Variants in NPFFR2 observed in about 807,000 individuals in gnomAD.
NPFFR2 encodes neuropeptide FF receptor 2.
NPFFR2 carries 15 observed loss-of-function variants against 13.1 expected under a neutral mutation model. That is an observed-to-expected ratio of 1.15 (90% CI 0.77 to 1.76). NPFFR2 has a LOEUF of 1.76. Ranked by LOEUF, NPFFR2 falls within the 40% of genes most tolerant of loss-of-function variation. The pLI is 0.00. For missense variants in NPFFR2, 572 were observed against 503.5 expected, an observed-to-expected ratio of 1.14 and a Z score of -1.30; for synonymous variants, 190 against 175.7, an observed-to-expected ratio of 1.08 and a Z score of -0.65.
chr4:72,094,735 C>T (rs1054031182), intron 1 of NPFFR2, among the ~76,000 whole-genome samples: 7 of 152,176 alleles, frequency 4.6e-5, no homozygotes, highest in East Asian at 1.9e-4. Context: ...CCCCAGGTTA[C>T]AAGCCTCCTA....
intron 2 of NPFFR2, among the ~76,000 whole-genome samples, chr4:72,133,356 C>T (rs1722311612): frequency 6.6e-6 from 1 of 152,066 alleles, no homozygotes; most frequent in Non-Finnish European, 1.5e-5. Flanking sequence ...TATTCTGTTC[C>T]ATTGGTCTAT....
At chr4:72,138,998 T>G (rs1422232114) in intron 3 of NPFFR2, among the ~76,000 whole-genome samples, 1 of 152,222 alleles carries the variant, frequency 6.6e-6, no homozygotes, top group Non-Finnish European at 1.5e-5. Context: ...TGATTTGCAT[T>G]TCTCTGATGA....
intron 1 of NPFFR2, among the ~76,000 whole-genome samples, chr4:72,035,220 A>G (rs1375285634): frequency 6.6e-6 from 1 of 152,268 alleles, no homozygotes; most frequent in East Asian, 1.9e-4. Context: ...ATGGCCTAAT[A>G]GAAGAAATTA....
chr4:72,074,039 G>C (rs1031149055), intron 1 of NPFFR2, among the ~76,000 whole-genome samples: 16 of 115,072 alleles, frequency 1.4e-4, no homozygotes, highest in African/African-American at 4.9e-4. Context: ...CACTTTCCAT[G>C]GTTTCAGTTT....
At chr4:72,120,111 T>C (rs2109826901) in intron 1 of NPFFR2, among the ~76,000 whole-genome samples, 1 of 152,230 alleles carries the variant, frequency 6.6e-6, no homozygotes, top group East Asian at 1.9e-4. Flanking sequence ...CGTCCACCAT[T>C]ACTGAGGCTT....
At chr4:72,050,745 C>T (rs1232508902) in intron 1 of NPFFR2, among the ~76,000 whole-genome samples, 2 of 151,042 alleles carry the variant, frequency 1.3e-5, no homozygotes, top group African/African-American at 2.4e-5. Context: ...GTATATCTCC[C>T]AATGCTATCC....
Position 72,095,813 on chromosome 4 carries a change from A to T in NPFFR2, c.-7-32772A>T, listed in dbSNP as rs149071430. 1.8e-3 allele frequency among the ~76,000 whole-genome samples: 275 copies of T among 152,178 alleles called. 1 individual carries two copies. The highest frequency in any genetic ancestry group is 6.2e-3 in the African/African-American group (259 of 41,518). On this transcript the variant is annotated intron_variant, in intron 1 of 3. Coordinates refer to ENST00000308744, the MANE Select transcript of NPFFR2 (RefSeq NM_004885.3). ...TCCTGGACTTTCAACTGTCTCTTTA[A>T]CTCAGAAAGTTCACGGGGCTTAGCT...
Position 72,128,869 on chromosome 4 carries a change from T to C in NPFFR2, c.278T>C (p.Leu93Pro). 2 of 1,614,066 alleles carry C rather than the reference T, an allele frequency of 1.2e-6. No homozygotes were observed. The highest frequency in any genetic ancestry group is 1.7e-6 in the Non-Finnish European group (2 of 1,179,940). The change falls in exon 2 of 4, where the codon CTA (leucine) becomes CCA (proline). Residue 93 changes from leucine (L) to proline (P), a missense_variant. Coordinates refer to ENST00000308744, the MANE Select transcript of NPFFR2 (RefSeq NM_004885.3). ...TTAAACCTGGCCATAAGTGATTTAC[T>C]AGTTGGCATATTCTGCATGCCTATA... is the stretch of plus-strand genomic sequence containing the variant. ...FILNLAISDL[L>P]VGIFCMPITL...
At position 72,140,864 on chromosome 4, in the gene NPFFR2, A is replaced by G. The variant is rs184412695; in HGVS notation, c.428+2725A>G. The stretch of plus-strand genomic sequence containing the variant: ...ACCAGCTCCTCTTTGTACCTCTGGT[A>G]GAATTCAGCTGTGAATTCGTCTCGT... On this transcript the variant is annotated intron_variant, in intron 3 of 3. Coordinates refer to ENST00000308744, the MANE Select transcript of NPFFR2 (RefSeq NM_004885.3). Among the ~76,000 whole-genome samples the G allele has an allele frequency of 9.4e-4, 143 of 152,286 alleles. 1 individual carries two copies. The highest frequency in any genetic ancestry group is 3.4e-3 in the African/African-American group (140 of 41,552).
chr4:72,087,667 A>G (rs1310745850), intron 1 of NPFFR2, among the ~76,000 whole-genome samples: 1 of 152,050 alleles, frequency 6.6e-6, no homozygotes. Context: ...AAATTTGAGA[A>G]TGTCCCTAGA....
chr4:72,054,406 G>C (rs1360050551), intron 1 of NPFFR2, among the ~76,000 whole-genome samples: 1 of 151,820 alleles, frequency 6.6e-6, no homozygotes, highest in Non-Finnish European at 1.5e-5. Flanking sequence ...TCAATAAATA[G>C]TACTGGAACT....
intron 2 of NPFFR2, among the ~76,000 whole-genome samples, chr4:72,133,289 G>A (rs1417777115): frequency 1.3e-5 from 2 of 152,042 alleles, no homozygotes; most frequent in African/African-American, 4.8e-5. Context: ...CATTGTTTTT[G>A]TTAGCTTTGT....
chr4:72,147,212 T>A lies in NPFFR2; in HGVS notation c.663T>A (p.Thr221=). The A allele has an allele frequency of 1.2e-6, 2 of 1,614,152 alleles. No homozygotes were observed. The highest frequency in any genetic ancestry group is 1.7e-6 in the Non-Finnish European group (2 of 1,180,002). Residue 221 remains threonine, a synonymous_variant, in exon 4 of 4, where the codon ACT becomes ACA. Transcript: ENST00000308744. The part of the protein sequence containing the change: ...PNQEMRKIYT[T]VLFANIYLAP... ...AGGAAATGAGGAAGATCTACACCAC[T>A]GTGCTGTTTGCCAACATCTACCTGG...
At chr4:72,134,881 C>T (rs1027108514) in intron 2 of NPFFR2, among the ~76,000 whole-genome samples, 9 of 152,070 alleles carry the variant, frequency 5.9e-5, no homozygotes, top group African/African-American at 2.2e-4. Context: ...CTTCACCTCT[C>T]TTTGTGTACA....
chr4:72,074,741 G>A (rs6841191), intron 1 of NPFFR2, among the ~76,000 whole-genome samples: 136,882 of 152,116 alleles, frequency 0.9, 62,537 homozygotes, highest in Non-Finnish European at 0.98. Flanking sequence ...TGGCAAAATA[G>A]ATGGAAAAAA....
At chr4:72,091,477 G>A (rs1217844951) in intron 1 of NPFFR2, among the ~76,000 whole-genome samples, 1 of 151,818 alleles carries the variant, frequency 6.6e-6, no homozygotes, top group African/African-American at 2.4e-5. Flanking sequence ...TTATTTGTTG[G>A]CAATTTTTAA....
intron 1 of NPFFR2, among the ~76,000 whole-genome samples, chr4:72,088,092 G>C (rs1448528135): frequency 1.3e-5 from 2 of 152,142 alleles, no homozygotes; most frequent in African/African-American, 4.8e-5. Flanking sequence ...CCGAGAGAGA[G>C]AGAACTGGAT....
chr4:72,051,323 A>G (rs1175221868), intron 1 of NPFFR2, among the ~76,000 whole-genome samples: 1 of 152,120 alleles, frequency 6.6e-6, no homozygotes, highest in Non-Finnish European at 1.5e-5. Flanking sequence ...TCAAACTAGA[A>G]CTCAGGATTA....
At chr4:72,142,571 C>T (rs2109848307) in intron 3 of NPFFR2, among the ~76,000 whole-genome samples, 1 of 152,260 alleles carries the variant, frequency 6.6e-6, no homozygotes, top group East Asian at 1.9e-4. Context: ...GGAACGGAAC[C>T]TGAGAATATC....
Sources: allele counts gnomAD v4.1 joint callset (sites outside exome capture counted in the v4.1 genomes callset), GRCh38; gene constraint gnomAD v4.1.1; transcripts MANE v1.5; gene names NCBI Gene and HGNC (gene_info 2026-07-23, HGNC 2026-07-21).